SFXN2: variants seen among roughly 807,000 people sequenced by gnomAD.
SFXN2 encodes sideroflexin-2.
In SFXN2, 37 loss-of-function variants were observed where a neutral mutation model predicts 41.9. The ratio of observed to expected loss-of-function variants is 0.88; its 90% CI spans 0.68 to 1.16. The LOEUF (loss-of-function observed/expected upper bound fraction) is 1.16. Among genes scored for constraint, SFXN2 ranks in the 50% most tolerant of loss-of-function variants. SFXN2 has a pLI of 0.00. For synonymous variants in SFXN2, 150 were observed against 156.7 expected, an observed-to-expected ratio of 0.96 and a Z score of 0.32; for missense variants, 386 against 425.2, an observed-to-expected ratio of 0.91 and a Z score of 0.81.
At chr10:102,730,360 A>T (rs2064683438) in intron 6 of SFXN2, among the ~76,000 whole-genome samples, 2 of 152,224 alleles carry the variant, frequency 1.3e-5, no homozygotes, top group African/African-American at 2.4e-5. Context: ...GATGTAATAT[A>T]TGTAAAGCAC....
Position 102,728,342 on chromosome 10 carries a change from C to T in SFXN2, c.333-89C>T, listed in dbSNP as rs2064640793. 9.3e-6 allele frequency: 9 copies of T among 968,466 alleles called. No homozygotes were observed. In the Admixed American group the frequency reaches 1.5e-4, roughly 17 times the overall value. The allele number at this position is 968,466 out of a possible 1,614,324, so 60.0% of individuals were successfully genotyped here. A position where few individuals can be genotyped will look rare whatever the true frequency, so the allele number is the denominator to read the frequency against. On this transcript the variant is annotated intron_variant, in intron 3 of 11. Transcript: ENST00000369893. ...AACTAGTATGGGAACAGTGTGGGGACCTGCAGATCATGTGCTTTGACTGGC... is the reference window on the plus strand; with the variant it reads ...AACTAGTATGGGAACAGTGTGGGGATCTGCAGATCATGTGCTTTGACTGGC...
At position 102,742,792 on chromosome 10, in the gene SFXN2, T is replaced by G. The variant is rs1480154741; in HGVS notation, c.*5030T>G. 6.6e-6 allele frequency: 1 copy of G among 152,182 alleles called. No homozygotes were observed. The highest frequency in any genetic ancestry group is 1.5e-5 in the Non-Finnish European group (1 of 68,056). The allele number at this position is 152,182 out of a possible 1,614,324, so 9.4% of individuals were successfully genotyped here. ...GCTATTTTACCAACATTGATCAAGCTCTGGTTGAGCCTTGTACAGGATATT... is the reference window on the plus strand; with the variant it reads ...GCTATTTTACCAACATTGATCAAGCGCTGGTTGAGCCTTGTACAGGATATT... On this transcript the variant is annotated 3_prime_UTR_variant, in exon 12 of 12. Transcript: ENST00000369893.
chr10:102,729,290 C>T (rs772677436), intron 4 of SFXN2, 29 bp from the exon 5 acceptor site: 10 of 1,611,220 alleles, frequency 6.2e-6, no homozygotes, highest in Non-Finnish European at 8.5e-6. Flanking sequence ...GCAGGGGCCC[C>T]ACTCCCAAGC....
intron 6 of SFXN2, 151 bp downstream of exon 6, chr10:102,729,959 C>T: frequency 1.2e-6 from 1 of 820,258 alleles, no homozygotes; most frequent in Admixed American, 2.6e-5. Flanking sequence ...TTGGCAGCTC[C>T]CATGGTGATG....
chr10:102,738,243 T>TG lies in SFXN2; in HGVS notation c.*485dup, dbSNP rs1487769769. The TG allele has an allele frequency of 6.6e-6, 1 of 151,732 alleles. No homozygotes were observed. The highest frequency in any genetic ancestry group is 1.5e-5 in the Non-Finnish European group (1 of 68,072). 9.4% of individuals were successfully genotyped at this position (151,732 alleles called of 1,614,324 possible). A position where few individuals can be genotyped will look rare whatever the true frequency, so the allele number is the denominator to read the frequency against. On this transcript the variant is annotated 3_prime_UTR_variant, in exon 12 of 12. Coordinates refer to ENST00000369893, the MANE Select transcript of SFXN2 (RefSeq NM_178858.6). ...GAAGGGGGAAAGGACTCTGTCCCCT[T>TG]GGGGCTCATCACCCTTCCACATCCT... is the stretch of plus-strand genomic sequence containing the variant.
At chr10:102,729,649 C>A in intron 5 of SFXN2, 74 bp from the exon 6 acceptor site, 1 of 1,467,530 alleles carries the variant, frequency 6.8e-7, no homozygotes, top group Non-Finnish European at 9.4e-7. Context: ...TTTTTGTATT[C>A]TAGTCGTTCA....
At chr10:102,716,365 A>T (rs978263748) in intron 1 of SFXN2, 2 of 151,138 alleles carry the variant, frequency 1.3e-5, no homozygotes, top group African/African-American at 2.4e-5. Flanking sequence ...TTTTCTCCCT[A>T]CCTGGGGCTA....
chr10:102,717,872 CA>C (rs1332603528), intron 1 of SFXN2: 1 of 821,770 alleles, frequency 1.2e-6, no homozygotes, highest in African/African-American at 1.9e-5. Context: ...TACAGTCTGT[CA>C]GGGGAGGCAG....
intron 1 of SFXN2, among the ~76,000 whole-genome samples, chr10:102,717,124 CTTTTTTTT>C (rs55839661): frequency 1.0e-5 from 1 of 97,218 alleles, no homozygotes; most frequent in Non-Finnish European, 1.9e-5. Flanking sequence ...TTCTCTCTCT[CTTTTTTTT>C]TTTTTTTTTT....
In SFXN2 at chr10:102,743,396, C is replaced by G. The variant is rs562566495; in HGVS notation, c.*5634C>G. 1 of 152,334 alleles carries G rather than the reference C, an allele frequency of 6.6e-6. No homozygotes were observed. The highest frequency in any genetic ancestry group is 1.5e-5 in the Non-Finnish European group (1 of 68,020). The allele number at this position is 152,334 out of a possible 1,614,324, so 9.4% of individuals were successfully genotyped here. On this transcript the variant is annotated 3_prime_UTR_variant, in exon 12 of 12. Transcript: ENST00000369893. ...CTATCTTCTAGGGAATTCAAACGGA[C>G]CTAAGCTGCTATTTGGGCAGTTGAG...
Position 102,733,572 on chromosome 10 carries a change from G to T in SFXN2, c.790G>T (p.Ala264Ser). ...HFMQKVKVLHAPLQVMLSGCF... is the reference protein window; with the variant it reads ...HFMQKVKVLHSPLQVMLSGCF... Reference sequence around the variant, plus strand: ...TATACAGAAAGTCAAGGTCCTGCACGCCCCATTGCAGGTCATGCTGAGCGG... The same window carrying T: ...TATACAGAAAGTCAAGGTCCTGCACTCCCCATTGCAGGTCATGCTGAGCGG... The change falls in exon 10 of 12, where the codon GCC (alanine) becomes TCC (serine). Residue 264 changes from alanine to serine, a missense_variant. Coordinates refer to ENST00000369893, the MANE Select transcript of SFXN2 (RefSeq NM_178858.6). The T allele has an allele frequency of 6.2e-7, 1 of 1,613,936 alleles. No individual in the cohort carries two copies. The highest frequency in any genetic ancestry group is 8.5e-7 in the Non-Finnish European group (1 of 1,179,824).
chr10:102,728,389 A>G (rs2064642056), intron 3 of SFXN2, 42 bp from the exon 4 acceptor site: 1 of 1,559,794 alleles, frequency 6.4e-7, no homozygotes, highest in Non-Finnish European at 8.8e-7. Context: ...ACTCCCTGCC[A>G]TCTGACTTCT....
In SFXN2 at chr10:102,734,210, A is replaced by G. The variant is rs2064742179; in HGVS notation, c.821+607A>G. Among the ~76,000 whole-genome samples, 1 of 152,162 alleles carries G rather than the reference A, an allele frequency of 6.6e-6. No homozygotes were observed. Reference sequence around the variant, plus strand: ...ACAGAAGAGATAAGAACGAGGAGACATAGCTTTGGCTGGGACTGTCATGTG... The same window carrying G: ...ACAGAAGAGATAAGAACGAGGAGACGTAGCTTTGGCTGGGACTGTCATGTG... On this transcript the variant is annotated intron_variant, in intron 10 of 11. Coordinates refer to ENST00000369893, the MANE Select transcript of SFXN2 (RefSeq NM_178858.6). This position sits in a 1 kb window ranked among gnomAD's most constrained non-coding sequence, Gnocchi z 4.1.
chr10:102,718,041 TG>T (rs1390666039), intron 1 of SFXN2, among the ~76,000 whole-genome samples: 1 of 152,106 alleles, frequency 6.6e-6, no homozygotes, highest in Admixed American at 6.6e-5. Flanking sequence ...AGTGGGTGTG[TG>T]GGGGGAAATG....
intron 1 of SFXN2, among the ~76,000 whole-genome samples, chr10:102,720,610 CAA>C (rs71474576): frequency 1.1e-4 from 14 of 127,782 alleles, no homozygotes; most frequent in Admixed American, 1.6e-4. Flanking sequence ...GACCCTGTCT[CAA>C]AAAAAAAAAA....
chr10:102,732,954 A>G, intron 9 of SFXN2, 46 bp downstream of exon 9: 2 of 1,600,060 alleles, frequency 1.2e-6, no homozygotes, highest in Non-Finnish European at 1.7e-6. Context: ...GAGTGCGTCC[A>G]GCCACATCTG....
At chr10:102,723,730 C>T (rs1214270208) in intron 1 of SFXN2, among the ~76,000 whole-genome samples, 1 of 152,190 alleles carries the variant, frequency 6.6e-6, no homozygotes, top group Non-Finnish European at 1.5e-5. Context: ...CCACCACAGA[C>T]TCAGTGTTTC....
In SFXN2 at chr10:102,741,299, G is replaced by A. The variant is rs1314524183; in HGVS notation, c.*3537G>A. 1 of 152,156 alleles carries A rather than the reference G, an allele frequency of 6.6e-6. No homozygotes were observed. Among genetic ancestry groups the A allele is most frequent in the Non-Finnish European group, 1.5e-5 (1 of 68,026 alleles). The allele number at this position is 152,156 out of a possible 1,614,324, so 9.4% of individuals were successfully genotyped here. A position where few individuals can be genotyped will look rare whatever the true frequency, so the allele number is the denominator to read the frequency against. ...AAGAGGGTATCACTTTCTTGCCCAGGCTGGAGTGCAATGGTATGATCATGA... is the reference window on the plus strand; with the variant it reads ...AAGAGGGTATCACTTTCTTGCCCAGACTGGAGTGCAATGGTATGATCATGA... On this transcript the variant is annotated 3_prime_UTR_variant, in exon 12 of 12. Transcript: ENST00000369893.
rs1842768785 is a variant in SFXN2 at position 102,740,409 on chromosome 10, T to G, written c.*2647T>G. ...CCACAGGCTAATTTGATTTTTTTGA[T>G]GAGGTCTCACTATGTTGCCCCAGGC... On this transcript the variant is annotated 3_prime_UTR_variant, in exon 12 of 12. Coordinates refer to ENST00000369893, the MANE Select transcript of SFXN2 (RefSeq NM_178858.6). 6.6e-6 allele frequency: 1 copy of G among 152,190 alleles called. No individual in the cohort carries two copies. The highest frequency in any genetic ancestry group is 1.5e-5 in the Non-Finnish European group (1 of 68,054). 9.4% of individuals were successfully genotyped at this position (152,190 alleles called of 1,614,324 possible). A position where few individuals can be genotyped will look rare whatever the true frequency, so the allele number is the denominator to read the frequency against.
Sources: allele counts gnomAD v4.1 joint callset (sites outside exome capture counted in the v4.1 genomes callset), GRCh38; gene constraint gnomAD v4.1.1; non-coding constraint Gnocchi (gnomAD v3.1); transcripts MANE v1.5; gene names NCBI Gene and HGNC (gene_info 2026-07-23, HGNC 2026-07-21).